Variants in ENTPD5 observed in about 807,000 individuals in gnomAD.
The protein encoded by ENTPD5 is ectonucleoside triphosphate diphosphohydrolase 5 (inactive).
In ENTPD5, 49 loss-of-function variants were observed where a neutral mutation model predicts 60.2. That is an observed-to-expected ratio of 0.81 (90% CI 0.65 to 1.03). The LOEUF (loss-of-function observed/expected upper bound fraction) is 1.03. ENTPD5 is among the 50% of genes least tolerant of loss of function. The pLI, the probability that ENTPD5 is intolerant of heterozygous loss-of-function variation, is 0.00. For synonymous variants in ENTPD5, 187 were observed against 185.4 expected (o/e 1.01, Z -0.07); for missense variants, 480 against 507.6 (o/e 0.95, Z 0.52).
At chr14:73,983,914 T>C (rs573085884) in intron 5 of ENTPD5, among the ~76,000 whole-genome samples, 2 of 152,100 alleles carry the variant, frequency 1.3e-5, no homozygotes, top group East Asian at 3.9e-4. Context: ...TGGTCTCGAA[T>C]ACCTGACCTC....
intron 5 of ENTPD5, among the ~76,000 whole-genome samples, chr14:73,985,280 T>C (rs937736907): frequency 2.0e-5 from 3 of 152,214 alleles, no homozygotes; most frequent in African/African-American, 7.2e-5. Context: ...CTGGGTCAAA[T>C]GGTATTTCTA....
intron 6 of ENTPD5, 108 bp downstream of exon 6, chr14:73,982,910 G>A (rs2057750578): frequency 9.0e-7 from 1 of 1,107,120 alleles, no homozygotes; most frequent in Non-Finnish European, 1.3e-6. Context: ...TGCTTTGGCA[G>A]TGGTGGAATA....
At chr14:74,000,576 T>C (rs2140777830) in intron 3 of ENTPD5, among the ~76,000 whole-genome samples, 1 of 151,920 alleles carries the variant, frequency 6.6e-6, no homozygotes, top group Admixed American at 6.6e-5. Flanking sequence ...AGGTCAAGAG[T>C]TCAGGACCAG....
chr14:73,996,381 A>G (rs2140740481), intron 3 of ENTPD5: 1 of 169,936 alleles, frequency 5.9e-6, no homozygotes, highest in Non-Finnish European at 1.2e-5. Flanking sequence ...CATAGGGCGG[A>G]AGCTGCTCAG....
intron 6 of ENTPD5, among the ~76,000 whole-genome samples, chr14:73,979,646 T>G (rs2057593051): frequency 6.6e-6 from 1 of 151,888 alleles, no homozygotes; most frequent in Admixed American, 6.6e-5. Flanking sequence ...TAATTTTGTG[T>G]ATTTTTAGTA....
intron 3 of ENTPD5, among the ~76,000 whole-genome samples, chr14:74,000,402 G>C (rs2058471344): frequency 1.3e-5 from 2 of 151,900 alleles, no homozygotes; most frequent in Non-Finnish European, 2.9e-5. Context: ...GGAGGTTGCT[G>C]TGAGTTGAGA....
downstream of ENTPD5, chr14:73,958,202 A>G: frequency 1.2e-6 from 2 of 1,613,972 alleles, no homozygotes; most frequent in Non-Finnish European, 1.7e-6. Flanking sequence ...GGCCTTGTCC[A>G]TTTCCTATGG....
chr14:73,973,766 G>T, intron 12 of ENTPD5, 111 bp downstream of exon 12: 1 of 861,188 alleles, frequency 1.2e-6, no homozygotes, highest in Non-Finnish European at 1.9e-6. Context: ...TTTGGAATAA[G>T]TCCCTGCAAC....
At chr14:74,017,764 T>C (rs1207034510) in intron 1 of ENTPD5, among the ~76,000 whole-genome samples, 1 of 144,708 alleles carries the variant, frequency 6.9e-6, no homozygotes, top group Non-Finnish European at 1.5e-5. Flanking sequence ...CACGCACCTA[T>C]AGTCTGTTAC....
downstream of ENTPD5, chr14:73,960,497 C>T (rs1272574510): frequency 1.1e-5 from 11 of 995,940 alleles, no homozygotes; most frequent in Non-Finnish European, 1.3e-5. Context: ...ACTGAACATA[C>T]TGAAATGGAT....
At chr14:74,003,336 A>T (rs2058567780) in intron 3 of ENTPD5, 9 of 493,344 alleles carry the variant, frequency 1.8e-5, no homozygotes, top group South Asian at 1.5e-4. Context: ...AAAACTGACA[A>T]TAGAAATGGG....
At chr14:73,987,020 T>C in intron 4 of ENTPD5, 127 bp from the exon 5 acceptor site, 1 of 759,042 alleles carries the variant, frequency 1.3e-6, no homozygotes, top group South Asian at 1.4e-5. Flanking sequence ...ATGATCCTAG[T>C]TGTGAGGAAT....
At chr14:73,996,069 C>T in intron 3 of ENTPD5, 2 of 886,224 alleles carry the variant, frequency 2.3e-6, no homozygotes, top group Non-Finnish European at 2.7e-6. Flanking sequence ...CCTGAGAGAC[C>T]ACAATCCCAG....
chr14:73,961,374 G>A (rs771349134), downstream of ENTPD5: 1 of 1,614,202 alleles, frequency 6.2e-7, no homozygotes, highest in Non-Finnish European at 8.5e-7. Context: ...GGCGCTCATT[G>A]GGTAAGACGA....
chr14:73,958,696 C>G, downstream of ENTPD5: 1 of 1,357,624 alleles, frequency 7.4e-7, no homozygotes, highest in South Asian at 1.5e-5. Flanking sequence ...CTGAAACTTT[C>G]CTTATTGCTC....
intron 13 of ENTPD5, 89 bp from the exon 14 acceptor site, chr14:73,971,997 ACATAATG>A: frequency 1.2e-6 from 1 of 810,888 alleles, no homozygotes; most frequent in Non-Finnish European, 2.2e-6. Context: ...ATACACATGT[ACATAATG>A]TAATCTATGC....
intron 5 of ENTPD5, chr14:73,986,097 G>GA (rs1303586928): frequency 6.8e-5 from 10 of 147,468 alleles, no homozygotes; most frequent in Admixed American, 1.4e-4. Context: ...AGAAAAAGAA[G>GA]AAAATGTATA....
At chr14:73,991,905 A>T (rs1346975912) in intron 3 of ENTPD5, among the ~76,000 whole-genome samples, 1 of 151,650 alleles carries the variant, frequency 6.6e-6, no homozygotes, top group African/African-American at 2.4e-5. Flanking sequence ...AGCCTGAGGC[A>T]GGAGAATCAC....
chr14:73,958,902 G>T, downstream of ENTPD5: 1 of 1,595,402 alleles, frequency 6.3e-7, no homozygotes, highest in Admixed American at 1.8e-5. Flanking sequence ...ACTTTAGGGA[G>T]CAGAGAAAAA....
Sources: allele counts gnomAD v4.1 joint callset (sites outside exome capture counted in the v4.1 genomes callset), GRCh38; gene constraint gnomAD v4.1.1; transcripts MANE v1.5; gene names NCBI Gene and HGNC (gene_info 2026-07-23, HGNC 2026-07-21).